ATXN1: variants seen among roughly 807,000 people sequenced by gnomAD.
The protein encoded by ATXN1 is ataxin 1, also known as ataxin-1.
In ATXN1, 8 loss-of-function variants were observed where a neutral mutation model predicts 56.4. The observed-to-expected ratio is 0.14, with a 90% confidence interval of 0.08 to 0.26. ATXN1 has a LOEUF of 0.26. Ranked by LOEUF, ATXN1 falls within the 10% of genes least tolerant of loss-of-function variation. The pLI, the probability that ATXN1 is intolerant of heterozygous loss-of-function variation, is 1.00. For synonymous variants in ATXN1, 514 were observed against 494.6 expected, an observed-to-expected ratio of 1.04 and a Z score of -0.52; for missense variants, 987 against 1,106.5, an observed-to-expected ratio of 0.89 and a Z score of 1.53.
At chr6:16,637,161 T>C (rs1042392432) in intron 3 of ATXN1, among the ~76,000 whole-genome samples, 2 of 152,142 alleles carry the variant, frequency 1.3e-5, no homozygotes, top group African/African-American at 2.4e-5. Context: ...GAATACTATG[T>C]AGCCATAAAA....
chr6:16,707,325 A>G (rs1030578460), intron 2 of ATXN1, among the ~76,000 whole-genome samples: 9 of 152,260 alleles, frequency 5.9e-5, no homozygotes, highest in Non-Finnish European at 8.8e-5. Context: ...AAGAAATCTG[A>G]TATTTGCCAC....
chr6:16,745,273 G>A (rs1195955077), intron 2 of ATXN1, among the ~76,000 whole-genome samples: 1 of 152,050 alleles, frequency 6.6e-6, no homozygotes, highest in Non-Finnish European at 1.5e-5. Context: ...TGTGTCCTCG[G>A]TAAATACTTG....
chr6:16,362,540 G>T (rs560742895), intron 6 of ATXN1, among the ~76,000 whole-genome samples: 9 of 151,920 alleles, frequency 5.9e-5, no homozygotes, highest in African/African-American at 2.2e-4. Context: ...CATCACCCCC[G>T]CTCCGGAGTG....
At chr6:16,578,325 C>T (rs926879105) in intron 4 of ATXN1, among the ~76,000 whole-genome samples, 4 of 152,144 alleles carry the variant, frequency 2.6e-5, no homozygotes, top group African/African-American at 7.2e-5. Context: ...CTTCCTTTTG[C>T]TTTTTAAAAA....
At chr6:16,719,449 A>T (rs1759703248) in intron 2 of ATXN1, among the ~76,000 whole-genome samples, 1 of 152,248 alleles carries the variant, frequency 6.6e-6, no homozygotes, top group South Asian at 2.1e-4. Context: ...AAACGAATGT[A>T]GATTAATAAA....
At chr6:16,532,297 A>T (rs980404047) in intron 4 of ATXN1, among the ~76,000 whole-genome samples, 1 of 152,218 alleles carries the variant, frequency 6.6e-6, no homozygotes, top group African/African-American at 2.4e-5. Context: ...AGTCGGTGGT[A>T]TATTCTGCAG....
intron 4 of ATXN1, among the ~76,000 whole-genome samples, chr6:16,536,972 A>G (rs1761612381): frequency 6.6e-6 from 1 of 152,130 alleles, no homozygotes; most frequent in Admixed American, 6.5e-5. Context: ...TTTATTTTAC[A>G]ATTTCCATAA....
chr6:16,391,089 G>C (rs1758345402), intron 6 of ATXN1, among the ~76,000 whole-genome samples: 1 of 150,010 alleles, frequency 6.7e-6, no homozygotes, highest in South Asian at 2.1e-4. Context: ...ATGAACCTGG[G>C]AGGCGGAGGT....
intron 6 of ATXN1, among the ~76,000 whole-genome samples, chr6:16,389,628 T>C (rs1758312089): frequency 6.6e-6 from 1 of 152,194 alleles, no homozygotes; most frequent in South Asian, 2.1e-4. Flanking sequence ...ACGCAGCAGA[T>C]AAAAAGCGAG....
At chr6:16,701,235 A>G (rs572382957) in intron 2 of ATXN1, among the ~76,000 whole-genome samples, 1 of 152,370 alleles carries the variant, frequency 6.6e-6, no homozygotes, top group African/African-American at 2.4e-5. Flanking sequence ...TTTTTATGAC[A>G]CATGTTGAAA....
In ATXN1 at chr6:16,728,606, T is replaced by C. The variant is rs1040105372; in HGVS notation, c.-615+24627A>G. On this transcript the variant is annotated intron_variant, in intron 2 of 7. Transcript: ENST00000436367. ...TAAGTTAGAAAACTCCAAAGGAGAA[T>C]GGTAATATCATCATAGCAGGTGAAG... Among the ~76,000 whole-genome samples the C allele has an allele frequency of 3.3e-5, 5 of 152,174 alleles. 1 individual carries two copies. Among genetic ancestry groups the C allele is most frequent in the Non-Finnish European group, 7.4e-5 (5 of 68,022 alleles).
rs1011116042 is a variant in ATXN1 at position 16,760,111 on chromosome 6, C to T, written c.-730+1187G>A. Among the ~76,000 whole-genome samples, 1 of 152,108 alleles carries T rather than the reference C, an allele frequency of 6.6e-6. No individual in the cohort carries two copies. The highest frequency in any genetic ancestry group is 2.4e-5 in the African/African-American group (1 of 41,428). On this transcript the variant is annotated intron_variant, in intron 1 of 7. Coordinates refer to ENST00000436367, the MANE Select transcript of ATXN1 (RefSeq NM_001128164.2). This position sits in a 1 kb window ranked among gnomAD's most constrained non-coding sequence, Gnocchi z 5.3. ...CTGCCCCCTGCGGGACCGGCCTGCGCGCAGCACTGGAACCACGTAGGAGGA... is the reference window on the plus strand; with the variant it reads ...CTGCCCCCTGCGGGACCGGCCTGCGTGCAGCACTGGAACCACGTAGGAGGA...
intron 2 of ATXN1, among the ~76,000 whole-genome samples, chr6:16,742,855 G>A (rs1760389963): frequency 6.6e-6 from 1 of 152,130 alleles, no homozygotes; most frequent in African/African-American, 2.4e-5. Context: ...TCCTTTCCAT[G>A]TGGTACCTTA....
chr6:16,447,197 TTTTTTAATTGTATTTTTTAAAAA>T (rs1759653598), intron 6 of ATXN1, among the ~76,000 whole-genome samples: 1 of 152,204 alleles, frequency 6.6e-6, no homozygotes, highest in Non-Finnish European at 1.5e-5. Flanking sequence ...AGCAAAGGTA[TTTTTTAATTGTATTTTTTAAAAA>T]TTTTTAATTA....
chr6:16,566,287 G>C (rs1762214967), intron 4 of ATXN1, among the ~76,000 whole-genome samples: 1 of 151,886 alleles, frequency 6.6e-6, no homozygotes, highest in Admixed American at 6.6e-5. Flanking sequence ...TTCTGTTTTT[G>C]CTTGGGTGAG....
intron 5 of ATXN1, among the ~76,000 whole-genome samples, chr6:16,521,117 G>C (rs954392838): frequency 6.6e-6 from 1 of 152,004 alleles, no homozygotes; most frequent in Non-Finnish European, 1.5e-5. Context: ...ATTTAACCTA[G>C]GATGTCTAAA....
At chr6:16,358,675 C>G (rs1218566359) in intron 6 of ATXN1, among the ~76,000 whole-genome samples, 1 of 152,204 alleles carries the variant, frequency 6.6e-6, no homozygotes, top group Non-Finnish European at 1.5e-5. Context: ...GGGAGCTCCG[C>G]GTGCCACTGC....
rs372200196 is a variant in ATXN1 at position 16,570,451 on chromosome 6, CAAG to C, written c.-361+15326_-361+15328del. Among the ~76,000 whole-genome samples the C allele has an allele frequency of 5.7e-3, 862 of 152,228 alleles. 10 individuals carry two copies. The highest frequency in any genetic ancestry group is 0.019 in the African/African-American group (808 of 41,532). On this transcript the variant is annotated intron_variant, in intron 4 of 7. Coordinates refer to ENST00000436367, the MANE Select transcript of ATXN1 (RefSeq NM_001128164.2). ...TTTTATTGGTCATTTTTCTCCTTCC[CAAG>C]AAGGTTTTTCCTATCATTTCCAGGT...
chr6:16,659,141 T>A (rs1758265518), intron 2 of ATXN1, among the ~76,000 whole-genome samples: 1 of 152,154 alleles, frequency 6.6e-6, no homozygotes, highest in Non-Finnish European at 1.5e-5. Flanking sequence ...AACATGTGAG[T>A]TGAGATAATG....
Sources: allele counts gnomAD v4.1 joint callset (sites outside exome capture counted in the v4.1 genomes callset), GRCh38; gene constraint gnomAD v4.1.1; non-coding constraint Gnocchi (gnomAD v3.1); transcripts MANE v1.5; gene names NCBI Gene and HGNC (gene_info 2026-07-23, HGNC 2026-07-21).